The following ULK4 variants were observed in gnomAD, a reference collection of about 807,000 sequenced individuals.
ULK4 encodes inactive serine/threonine-protein kinase ULK4.
ULK4 carries 133 observed loss-of-function variants against 160.6 expected under a neutral mutation model. The observed-to-expected ratio is 0.83, with a 90% confidence interval of 0.72 to 0.96. The LOEUF (loss-of-function observed/expected upper bound fraction) is 0.96. ULK4 is among the 40% of genes least tolerant of loss of function. ULK4 has a pLI of 0.00. For missense variants in ULK4, 1,580 were observed against 1,499.5 expected (o/e 1.05, Z -0.89); for synonymous variants, 534 against 539.8 (o/e 0.99, Z 0.15).
At chr3:41,935,170 CCAT>C (rs1441103788) in intron 4 of ULK4, among the ~76,000 whole-genome samples, 2 of 150,044 alleles carry the variant, frequency 1.3e-5, no homozygotes, top group African/African-American at 4.9e-5. Flanking sequence ...GCGCTCACCA[CCAT>C]GCCCAGCTAT....
At chr3:41,508,567 A>G (rs1181608558) in intron 32 of ULK4, among the ~76,000 whole-genome samples, 2 of 152,100 alleles carry the variant, frequency 1.3e-5, no homozygotes, top group Admixed American at 1.3e-4. Flanking sequence ...ACCAAGGCCC[A>G]CTTCACTCCC....
At chr3:41,915,870 T>C (rs191651768) in intron 8 of ULK4, 107 bp downstream of exon 8, 3 of 755,854 alleles carry the variant, frequency 4.0e-6, no homozygotes, top group East Asian at 5.6e-5. Flanking sequence ...TAGAAGTACA[T>C]AAAAGGGGGA....
At chr3:41,278,132 G>A (rs1168338369) in intron 35 of ULK4, 1 of 152,384 alleles carries the variant, frequency 6.6e-6, no homozygotes, top group Non-Finnish European at 1.5e-5. Flanking sequence ...CAGCAGACCA[G>A]GAGATTCCCT....
intron 34 of ULK4, among the ~76,000 whole-genome samples, chr3:41,400,598 C>T (rs963802443): frequency 2.0e-5 from 3 of 152,116 alleles, no homozygotes; most frequent in Non-Finnish European, 4.4e-5. Flanking sequence ...GAGTTGTTCC[C>T]AATTTGGAGC....
At chr3:41,681,481 G>A in intron 29 of ULK4, 27 bp downstream of exon 29, 2 of 1,612,786 alleles carry the variant, frequency 1.2e-6, no homozygotes, top group Middle Eastern at 3.3e-4. Context: ...ACACTTCTCT[G>A]CATGAATACA....
chr3:41,673,392 T>C (rs987135878), intron 29 of ULK4, among the ~76,000 whole-genome samples: 4 of 152,122 alleles, frequency 2.6e-5, no homozygotes, highest in African/African-American at 9.7e-5. Context: ...CCCTACAGTG[T>C]GTTGCCACTA....
intron 21 of ULK4, among the ~76,000 whole-genome samples, chr3:41,771,941 C>T (rs919442375): frequency 1.3e-5 from 2 of 152,178 alleles, no homozygotes; most frequent in African/African-American, 4.8e-5. Flanking sequence ...AGAGACACAA[C>T]GGAAGCCTCT....
chr3:41,834,922 G>T (rs2041708923), intron 18 of ULK4, among the ~76,000 whole-genome samples: 1 of 152,016 alleles, frequency 6.6e-6, no homozygotes. Flanking sequence ...GTGCATACCT[G>T]TAGTTTTTAT....
At chr3:41,463,024 G>A (rs2083726873) in intron 33 of ULK4, 63 bp downstream of exon 33, 2 of 1,532,164 alleles carry the variant, frequency 1.3e-6, no homozygotes, top group African/African-American at 1.4e-5. Flanking sequence ...AGAAAGAAGA[G>A]AATGAAAGGG....
chr3:41,893,895 T>A (rs1383156188), intron 16 of ULK4, among the ~76,000 whole-genome samples: 1 of 152,192 alleles, frequency 6.6e-6, no homozygotes, highest in East Asian at 1.9e-4. Flanking sequence ...CCCTTTATCA[T>A]ATGCTGTCAA....
intron 32 of ULK4, among the ~76,000 whole-genome samples, chr3:41,529,815 A>T (rs1412530317): frequency 6.6e-6 from 1 of 152,212 alleles, no homozygotes; most frequent in Non-Finnish European, 1.5e-5. Flanking sequence ...TTTAAATTAG[A>T]TTATTTTTGC....
At chr3:41,482,647 A>G (rs1300660720) in intron 32 of ULK4, among the ~76,000 whole-genome samples, 2 of 152,214 alleles carry the variant, frequency 1.3e-5, no homozygotes, top group African/African-American at 4.8e-5. Flanking sequence ...TTAGATTAGC[A>G]GTCTCCAGTT....
At chr3:41,860,692 G>A (rs116666958) in intron 17 of ULK4, among the ~76,000 whole-genome samples, 417 of 152,172 alleles carry the variant, frequency 2.7e-3, no homozygotes, top group African/African-American at 8.2e-3. Flanking sequence ...GTCTTTTGAC[G>A]GGAGAGTTTA....
chr3:41,824,163 T>TTAAAAA (rs555935496), intron 18 of ULK4, among the ~76,000 whole-genome samples: 1 of 117,812 alleles, frequency 8.5e-6, no homozygotes, highest in Non-Finnish European at 1.7e-5. Flanking sequence ...ACTCTATCTT[T>TTAAAAA]AAAAAAAAAA....
intron 35 of ULK4, among the ~76,000 whole-genome samples, chr3:41,393,616 G>T (rs1036668934): frequency 9.2e-5 from 14 of 152,132 alleles, no homozygotes; most frequent in Non-Finnish European, 1.8e-4. Context: ...GAAGCTGGTT[G>T]CTTCCATGTC....
At chr3:41,358,162 G>A (rs902610923) in intron 35 of ULK4, among the ~76,000 whole-genome samples, 1 of 152,186 alleles carries the variant, frequency 6.6e-6, no homozygotes, top group African/African-American at 2.4e-5. Context: ...ACACCACAAT[G>A]GAGTGGGCTC....
chr3:41,835,494 T>C (rs944564549), intron 18 of ULK4, among the ~76,000 whole-genome samples: 1 of 152,226 alleles, frequency 6.6e-6, no homozygotes, highest in Non-Finnish European at 1.5e-5. Context: ...TTGTGCTTTA[T>C]TTAAACTGAA....
intron 17 of ULK4, among the ~76,000 whole-genome samples, chr3:41,875,681 CAATT>C (rs1697270652): frequency 1.3e-5 from 2 of 151,142 alleles, no homozygotes; most frequent in South Asian, 4.2e-4. Flanking sequence ...CAATTAATGA[CAATT>C]AATACAATGA....
At chr3:41,891,809 G>A (rs1697978148) in intron 16 of ULK4, among the ~76,000 whole-genome samples, 1 of 152,154 alleles carries the variant, frequency 6.6e-6, no homozygotes, top group Non-Finnish European at 1.5e-5. Flanking sequence ...GGAGGCTGAA[G>A]CAGAAGAATC....
Sources: gnomAD v4.1 joint callset for allele counts (sites outside exome capture counted in the v4.1 genomes callset) on GRCh38, gnomAD v4.1.1 for gene constraint, MANE v1.5 for transcripts, NCBI Gene and HGNC (gene_info 2026-07-23, HGNC 2026-07-21) for gene names.